The following CPNE5 variants were observed in gnomAD, a reference collection of about 807,000 sequenced individuals.
CPNE5 encodes the protein copine 5.
Under a neutral mutation model 81.1 loss-of-function variants are expected in CPNE5, and 42 were observed. The observed-to-expected ratio is 0.52, with a 90% CI of 0.40 to 0.67. CPNE5 has a LOEUF of 0.67. Among genes scored for constraint, CPNE5 ranks in the 30% least tolerant of loss-of-function variants. The probability of loss-of-function intolerance (pLI) is 0.00; values close to 1 mark genes in which losing one functional copy is unlikely to be tolerated. For synonymous variants in CPNE5, 313 were observed against 321.5 expected, an observed-to-expected ratio of 0.97 and a Z score of 0.28; for missense variants, 612 against 815.5, an observed-to-expected ratio of 0.75 and a Z score of 3.04.
intron 4 of CPNE5, 98 bp from the exon 5 acceptor site, chr6:36,798,592 A>T: frequency 1.0e-6 from 1 of 960,866 alleles, no homozygotes; most frequent in Non-Finnish European, 1.7e-6. Flanking sequence ...TCCCCCAAAA[A>T]ACAGGTCCCA....
At chr6:36,790,301 A>G (rs906609348) in intron 8 of CPNE5, among the ~76,000 whole-genome samples, 5 of 152,210 alleles carry the variant, frequency 3.3e-5, no homozygotes, top group Non-Finnish European at 7.3e-5. Flanking sequence ...TAATGACTCA[A>G]TTAATGTTCT....
chr6:36,839,487 G>A, upstream of CPNE5: 1 of 883,684 alleles, frequency 1.1e-6, no homozygotes, highest in Non-Finnish European at 1.7e-6. This position sits in a 1 kb window ranked among gnomAD's most constrained non-coding sequence, Gnocchi z 7.3. Context: ...TGGGCTGGGC[G>A]GCAAGGGGAG....
At chr6:36,764,245 G>A (rs1333797282) in intron 11 of CPNE5, among the ~76,000 whole-genome samples, 4 of 152,112 alleles carry the variant, frequency 2.6e-5, no homozygotes, top group Non-Finnish European at 5.9e-5. Flanking sequence ...GTACAGGAAC[G>A]CCAGGGTAAG....
At chr6:36,799,632 C>T (rs191803076) in intron 4 of CPNE5, among the ~76,000 whole-genome samples, 12 of 152,246 alleles carry the variant, frequency 7.9e-5, no homozygotes, top group African/African-American at 2.9e-4. Context: ...CTCCTGGTTG[C>T]CAGGGGAGAA....
intron 8 of CPNE5, among the ~76,000 whole-genome samples, chr6:36,785,132 G>A (rs372632940): frequency 2.9e-4 from 44 of 152,158 alleles, no homozygotes; most frequent in East Asian, 2.3e-3. Flanking sequence ...GCATCTCTCC[G>A]CATGTTAATG....
intron 10 of CPNE5, among the ~76,000 whole-genome samples, chr6:36,771,247 C>A (rs1204529352): frequency 6.6e-6 from 1 of 152,238 alleles, no homozygotes; most frequent in Non-Finnish European, 1.5e-5. Context: ...ACCCTGGTCA[C>A]AGCCCTGTCA....
chr6:36,791,828 T>A (rs1769119190), intron 8 of CPNE5, among the ~76,000 whole-genome samples: 1 of 151,974 alleles, frequency 6.6e-6, no homozygotes, highest in Non-Finnish European at 1.5e-5. Flanking sequence ...GTGGGTGAGC[T>A]CCTTCTCCTC....
At chr6:36,792,573 TG>T in intron 7 of CPNE5, 1 of 454,832 alleles carries the variant, frequency 2.2e-6, no homozygotes, top group Non-Finnish European at 4.4e-6. Context: ...GGAGGGCTGG[TG>T]GGCCCTCGCT....
intron 1 of CPNE5, among the ~76,000 whole-genome samples, chr6:36,825,030 A>G (rs907510134): frequency 6.6e-6 from 1 of 152,194 alleles, no homozygotes; most frequent in Non-Finnish European, 1.5e-5. Flanking sequence ...TGATGGGGAC[A>G]TGAAAGACCA....
chr6:36,772,896 G>T (rs927992373), intron 10 of CPNE5, among the ~76,000 whole-genome samples: 2 of 152,016 alleles, frequency 1.3e-5, no homozygotes, highest in African/African-American at 4.8e-5. Flanking sequence ...CTGGAGTGCA[G>T]TGGTGCAATC....
chr6:36,759,476 A>C (rs1765815631), intron 12 of CPNE5, among the ~76,000 whole-genome samples: 1 of 146,356 alleles, frequency 6.8e-6, no homozygotes, highest in African/African-American at 2.6e-5. Flanking sequence ...GGGGGCACTG[A>C]GGGGCTCCTA....
At chr6:36,815,897 G>A (rs1032573902) in intron 3 of CPNE5, among the ~76,000 whole-genome samples, 2 of 152,200 alleles carry the variant, frequency 1.3e-5, no homozygotes, top group African/African-American at 4.8e-5. Context: ...CTAAGATTCT[G>A]TGATTCCCAT....
intron 9 of CPNE5, among the ~76,000 whole-genome samples, chr6:36,775,478 C>T (rs375781885): frequency 6.6e-6 from 1 of 152,320 alleles, no homozygotes; most frequent in African/African-American, 2.4e-5. Context: ...GCAGATGAAC[C>T]TCAGGGGTCT....
At chr6:36,838,130 C>G (rs141253598) in intron 1 of CPNE5, among the ~76,000 whole-genome samples, 1 of 152,202 alleles carries the variant, frequency 6.6e-6, no homozygotes, top group African/African-American at 2.4e-5. Context: ...CCCTCCTTCA[C>G]GCCCCTGCCC....
rs149959927 is a variant in CPNE5 at position 36,810,621 on chromosome 6, G to A, written c.184-10551C>T. On this transcript the variant is annotated intron_variant, in intron 3 of 20. Transcript: ENST00000244751. ...CCTGGGGAGGCGGAGGAGCACGGAGGATCTGGCCATGCCAGGCCTGCACCA... is the reference window on the plus strand; with the variant it reads ...CCTGGGGAGGCGGAGGAGCACGGAGAATCTGGCCATGCCAGGCCTGCACCA... Among the ~76,000 whole-genome samples the A allele has an allele frequency of 2.9e-3, 439 of 152,326 alleles. 1 individual carries two copies. In the Middle Eastern group the frequency reaches 0.034, roughly 12 times the overall value.
intron 12 of CPNE5, among the ~76,000 whole-genome samples, chr6:36,759,193 T>G (rs1765775999): frequency 6.6e-6 from 1 of 152,234 alleles, no homozygotes; most frequent in Middle Eastern, 3.2e-3. Context: ...ATCTTTAAAT[T>G]AGCCTGTATT....
chr6:36,802,151 G>T (rs537867888), intron 3 of CPNE5, among the ~76,000 whole-genome samples: 1 of 149,548 alleles, frequency 6.7e-6, no homozygotes, highest in Non-Finnish European at 1.5e-5. Flanking sequence ...CCCAGGAGGC[G>T]GAGGTTGCAG....
chr6:36,766,078 C>A lies in CPNE5; in HGVS notation c.738-702G>T, dbSNP rs1009576724. ...CTGGGAGGAGGGAGGTGGAGGGTTG[C>A]GGTTAACCCTTGGTGCCAGCTGCTC... On this transcript the variant is annotated intron_variant, in intron 10 of 20. Transcript: ENST00000244751. This position sits in a 1 kb window ranked among gnomAD's most constrained non-coding sequence, Gnocchi z 4.2. Among the ~76,000 whole-genome samples, 2 of 152,060 alleles carry A rather than the reference C, an allele frequency of 1.3e-5. No individual in the cohort carries two copies. Among genetic ancestry groups the A allele is most frequent in the Non-Finnish European group, 1.5e-5 (1 of 67,982 alleles).
chr6:36,758,277 C>T (rs1459513917), intron 12 of CPNE5, among the ~76,000 whole-genome samples: 3 of 152,262 alleles, frequency 2.0e-5, no homozygotes, highest in South Asian at 2.1e-4. Context: ...ATTATCTATA[C>T]GTGTCTGTTG....
Sources: allele counts gnomAD v4.1 joint callset (sites outside exome capture counted in the v4.1 genomes callset), GRCh38; gene constraint gnomAD v4.1.1; non-coding constraint Gnocchi (gnomAD v3.1); transcripts MANE v1.5; gene names NCBI Gene and HGNC (gene_info 2026-07-23, HGNC 2026-07-21).